PRR23E: variants seen among roughly 807,000 people sequenced by gnomAD.
PRR23E encodes the protein proline-rich protein 23E.
the PRR23E span, among the ~76,000 whole-genome samples, chr3:127,194,456 C>A: frequency 6.6e-6 from 1 of 152,198 alleles, no homozygotes; most frequent in African/African-American, 2.4e-5. Context: ...TCTGAACTTG[C>A]AAGGATACGC....
At chr3:127,193,860 A>T in the PRR23E span, among the ~76,000 whole-genome samples, 3 of 152,214 alleles carry the variant, frequency 2.0e-5, no homozygotes, top group African/African-American at 7.2e-5. Context: ...TGATTTTTTT[A>T]AAAACATGGT....
the PRR23E span, among the ~76,000 whole-genome samples, chr3:127,193,537 G>A: frequency 6.6e-6 from 1 of 152,002 alleles, no homozygotes; most frequent in Non-Finnish European, 1.5e-5. Flanking sequence ...GCCAAGCCCA[G>A]GACCCTCCTG....
At chr3:127,196,717 A>G in the PRR23E span, 1 of 1,593,328 alleles carries the variant, frequency 6.3e-7, no homozygotes. Context: ...AAACAAGCAG[A>G]GCAGAAGGTC....
At chr3:127,196,795 T>A in the PRR23E span, 1 of 1,598,130 alleles carries the variant, frequency 6.3e-7, no homozygotes, top group Non-Finnish European at 8.5e-7. Context: ...TGGGTGGCCA[T>A]GGGCTCTGCC....
the PRR23E span, chr3:127,197,372 C>T: frequency 6.3e-7 from 1 of 1,577,772 alleles, no homozygotes; most frequent in Non-Finnish European, 8.6e-7. Flanking sequence ...GCTCCTCCTC[C>T]CGGTCACCCT....
the PRR23E span, among the ~76,000 whole-genome samples, chr3:127,194,426 T>C: frequency 6.6e-6 from 1 of 152,234 alleles, no homozygotes; most frequent in Admixed American, 6.5e-5. Context: ...CAGGTTGGAC[T>C]AGCTTGCTTT....
the PRR23E span, chr3:127,196,502 A>G: frequency 1.1e-6 from 1 of 943,608 alleles, no homozygotes; most frequent in African/African-American, 1.7e-5. Flanking sequence ...CTCTTCTGTC[A>G]CCTCACCCCC....
At chr3:127,197,289 TGCTGCA>T in the PRR23E span, 5 of 1,598,654 alleles carry the variant, frequency 3.1e-6, no homozygotes, top group Non-Finnish European at 4.2e-6. Context: ...ACCTTTGCCC[TGCTGCA>T]GTTCAGAGCT....
the PRR23E span, among the ~76,000 whole-genome samples, chr3:127,195,933 C>T: frequency 6.6e-6 from 1 of 152,124 alleles, no homozygotes. Flanking sequence ...CCTGATGTGC[C>T]CTCTCCTGGA....
At chr3:127,194,523 A>C in the PRR23E span, among the ~76,000 whole-genome samples, 1 of 152,294 alleles carries the variant, frequency 6.6e-6, no homozygotes, top group Non-Finnish European at 1.5e-5. Flanking sequence ...CTGATTTTCC[A>C]TCTAGAGGCT....
the PRR23E span, chr3:127,196,937 T>A: frequency 6.3e-7 from 1 of 1,599,426 alleles, no homozygotes; most frequent in Admixed American, 1.7e-5. Flanking sequence ...TGCTCTATGG[T>A]GGGTATCTCT....
At chr3:127,193,278 A>G in the PRR23E span, 4 of 152,402 alleles carry the variant, frequency 2.6e-5, no homozygotes, top group African/African-American at 9.6e-5. Context: ...CCAAGTGGGT[A>G]AGTAGCGAGA....
At chr3:127,196,411 C>T in the PRR23E span, among the ~76,000 whole-genome samples, 7 of 152,122 alleles carry the variant, frequency 4.6e-5, no homozygotes, top group African/African-American at 1.7e-4. Context: ...GGCTGCTGTG[C>T]ACCCCTCCCA....
the PRR23E span, chr3:127,197,125 G>T: frequency 6.3e-7 from 1 of 1,597,608 alleles, no homozygotes; most frequent in Non-Finnish European, 8.5e-7. Context: ...ACTCTGGGCG[G>T]GGCCACCTCC....
the PRR23E span, chr3:127,196,608 A>C: frequency 6.8e-7 from 1 of 1,467,674 alleles, no homozygotes; most frequent in Non-Finnish European, 9.0e-7. Flanking sequence ...GAGCCCCGTG[A>C]GGTGCGTGTG....
the PRR23E span, among the ~76,000 whole-genome samples, chr3:127,195,063 G>A: frequency 6.6e-6 from 1 of 152,096 alleles, no homozygotes; most frequent in Non-Finnish European, 1.5e-5. Context: ...CTGTCCTCCC[G>A]CGCTGTGGCA....
At chr3:127,196,336 A>G in the PRR23E span, among the ~76,000 whole-genome samples, 1 of 152,258 alleles carries the variant, frequency 6.6e-6, no homozygotes, top group Non-Finnish European at 1.5e-5. Flanking sequence ...TGTGACTTGC[A>G]TAGAGGGAAG....
the PRR23E span, chr3:127,198,133 A>G: frequency 1.3e-5 from 2 of 152,164 alleles, no homozygotes; most frequent in Non-Finnish European, 2.9e-5. Context: ...CACCAGTAAA[A>G]TGTACAGTGC....
the PRR23E span, chr3:127,197,439 C>T: frequency 6.8e-7 from 1 of 1,476,350 alleles, no homozygotes; most frequent in East Asian, 2.4e-5. Flanking sequence ...CCAGACCCAC[C>T]CAACAATCAG....
Sources: allele counts gnomAD v4.1 joint callset (sites outside exome capture counted in the v4.1 genomes callset), GRCh38; gene constraint gnomAD v4.1.1; transcripts MANE v1.5; gene names NCBI Gene and HGNC (gene_info 2026-07-23, HGNC 2026-07-21).